The following CDYL2 variants were observed in gnomAD, a reference collection of about 807,000 sequenced individuals.
The protein encoded by CDYL2 is chromodomain Y-like protein 2.
Under a neutral mutation model 49.4 loss-of-function variants are expected in CDYL2, and 23 were observed. The ratio of observed to expected loss-of-function variants is 0.47; its 90% confidence interval spans 0.34 to 0.66. The LOEUF (loss-of-function observed/expected upper bound fraction) is 0.66. CDYL2 is among the 30% of genes least tolerant of loss of function. The probability of loss-of-function intolerance (pLI) is 0.01; values close to 1 mark genes in which losing one functional copy is unlikely to be tolerated. For synonymous variants in CDYL2, 360 were observed against 268.8 expected (o/e 1.34, Z -3.32); for missense variants, 678 against 656.4 (o/e 1.03, Z -0.36).
chr16:80,724,813 C>G (rs1597100549), intron 1 of CDYL2, among the ~76,000 whole-genome samples: 1 of 152,234 alleles, frequency 6.6e-6, no homozygotes, highest in South Asian at 2.1e-4. Context: ...CTCACCCAGA[C>G]CTTTGTGGCA....
At chr16:80,716,735 T>C (rs1423936013) in intron 1 of CDYL2, among the ~76,000 whole-genome samples, 3 of 151,904 alleles carry the variant, frequency 2.0e-5, no homozygotes, top group Non-Finnish European at 4.4e-5. Context: ...GGATAATGGA[T>C]GGATCGATGG....
chr16:80,787,286 G>A (rs901139572), intron 1 of CDYL2, among the ~76,000 whole-genome samples: 1 of 152,172 alleles, frequency 6.6e-6, no homozygotes, highest in East Asian at 1.9e-4. Context: ...CTTGGGGACA[G>A]AATTCATTGT....
At chr16:80,679,088 A>C (rs1451136710) in intron 2 of CDYL2, among the ~76,000 whole-genome samples, 18 of 126,016 alleles carry the variant, frequency 1.4e-4, no homozygotes, top group African/African-American at 3.1e-5. Flanking sequence ...CAGGAAGGGG[A>C]ACATCACACT....
At chr16:80,686,805 C>T (rs938984730) in intron 1 of CDYL2, among the ~76,000 whole-genome samples, 6 of 152,150 alleles carry the variant, frequency 3.9e-5, no homozygotes, top group Admixed American at 2.6e-4. Flanking sequence ...TATAATACTG[C>T]CTCTTCATAG....
At chr16:80,607,199 C>T (rs1225698795) in intron 6 of CDYL2, among the ~76,000 whole-genome samples, 1 of 152,140 alleles carries the variant, frequency 6.6e-6, no homozygotes, top group Non-Finnish European at 1.5e-5. Context: ...ACCCTCACCC[C>T]GCGAGCACTG....
chr16:80,685,785 T>C (rs61659811), intron 1 of CDYL2, among the ~76,000 whole-genome samples: 1,614 of 152,258 alleles, frequency 0.011, 36 homozygotes, highest in African/African-American at 0.037. Context: ...AGTTCCAGAA[T>C]GGTAAGGGCA....
rs1399807183 is a variant in CDYL2, at chr16:80,632,737, G to T, written c.834+282C>A. On this transcript the variant is annotated intron_variant, in intron 3 of 6. Coordinates refer to ENST00000570137, the MANE Select transcript of CDYL2 (RefSeq NM_152342.4). ...CCCAAGATGTGATGTTTGGATTCTG[G>T]GTCTGCCCCTTGGCTAAGTCTGTGT... is the stretch of plus-strand genomic sequence containing the variant. 1.0e-5 allele frequency: 4 copies of T among 389,902 alleles called. No homozygotes were observed. In the East Asian group the frequency reaches 1.4e-4, roughly 14 times the overall value. The allele number at this position is 389,902 out of a possible 1,614,324, so 24.2% of individuals were successfully genotyped here. A position where few individuals can be genotyped will look rare whatever the true frequency, so the allele number is the denominator to read the frequency against.
At chr16:80,787,208 A>G (rs1907466066) in intron 1 of CDYL2, among the ~76,000 whole-genome samples, 2 of 152,214 alleles carry the variant, frequency 1.3e-5, no homozygotes, top group Admixed American at 1.3e-4. Context: ...TTCTTCCACA[A>G]GAAAGAAATG....
At position 80,600,458 on chromosome 16, in the gene CDYL2, G is replaced by A. The variant is rs1906034230; in HGVS notation, c.*3930C>T. 6.6e-6 allele frequency: 1 copy of A among 152,114 alleles called. No homozygotes were observed. The highest frequency in any genetic ancestry group is 1.5e-5 in the Non-Finnish European group (1 of 67,994). The allele number at this position is 152,114 out of a possible 1,614,324, so 9.4% of individuals were successfully genotyped here. The stretch of plus-strand genomic sequence containing the variant: ...ATCTACAACAAAAATATACATGCAA[G>A]ACAACCCCAAATGGTTTCCCTTAAA... On this transcript the variant is annotated 3_prime_UTR_variant, in exon 7 of 7. Coordinates refer to ENST00000570137, the MANE Select transcript of CDYL2 (RefSeq NM_152342.4).
intron 1 of CDYL2, among the ~76,000 whole-genome samples, chr16:80,723,954 G>A (rs370231614): frequency 2.0e-5 from 3 of 148,834 alleles, no homozygotes; most frequent in African/African-American, 5.0e-5. Flanking sequence ...GGAGAAAAAG[G>A]GGGGAGAAAG....
rs557863117 is a variant in CDYL2 at position 80,786,077 on chromosome 16, C to A, written c.24+18073G>T. Among the ~76,000 whole-genome samples, 4 of 152,200 alleles carry A rather than the reference C, an allele frequency of 2.6e-5. No individual in the cohort carries two copies. The South Asian group carries it at 8.3e-4, about 32-fold the overall frequency. On this transcript the variant is annotated intron_variant, in intron 1 of 6. Coordinates refer to ENST00000570137, the MANE Select transcript of CDYL2 (RefSeq NM_152342.4). The stretch of plus-strand genomic sequence containing the variant: ...GGCAAAGACTTCATGTCTAAAACAC[C>A]AAAAGCAATGGCAATAAAAGCCAAA...
chr16:80,740,395 G>C (rs539372743), intron 1 of CDYL2, among the ~76,000 whole-genome samples: 13 of 152,174 alleles, frequency 8.5e-5, no homozygotes, highest in African/African-American at 2.6e-4. Context: ...CCATTTAAAA[G>C]GCCTAATTCA....
intron 1 of CDYL2, among the ~76,000 whole-genome samples, chr16:80,716,879 C>CTGGA (rs529478035): frequency 0.015 from 2,280 of 147,216 alleles, 28 homozygotes; most frequent in Middle Eastern, 0.038. Flanking sequence ...GGATGGATGA[C>CTGGA]TGGATGGATG....
intron 1 of CDYL2, among the ~76,000 whole-genome samples, chr16:80,779,760 T>C (rs1907202961): frequency 6.6e-6 from 1 of 152,132 alleles, no homozygotes; most frequent in Admixed American, 6.5e-5. Context: ...TGTATATATG[T>C]AGTTAATACA....
At position 80,612,271 on chromosome 16, in the gene CDYL2, C is replaced by T. The variant is rs936524877; in HGVS notation, c.1218+355G>A. Among the ~76,000 whole-genome samples, 3 of 152,176 alleles carry T rather than the reference C, an allele frequency of 2.0e-5. No individual in the cohort carries two copies. Among genetic ancestry groups the T allele is most frequent in the African/African-American group, 4.8e-5 (2 of 41,460 alleles). On this transcript the variant is annotated intron_variant, in intron 5 of 6. Coordinates refer to ENST00000570137, the MANE Select transcript of CDYL2 (RefSeq NM_152342.4). The surrounding 1 kb of genome is among the most constrained non-coding windows in gnomAD (Gnocchi z 5.0). Reference sequence around the variant, plus strand: ...GGTCCCCAGAGAGTGTGGGTGGCCCCTACACCTATGCTGGACCACTCAAGA... The same window carrying T: ...GGTCCCCAGAGAGTGTGGGTGGCCCTTACACCTATGCTGGACCACTCAAGA...
chr16:80,668,094 G>A (rs899187220), intron 2 of CDYL2, among the ~76,000 whole-genome samples: 19 of 152,254 alleles, frequency 1.2e-4, no homozygotes, highest in Non-Finnish European at 2.5e-4. Flanking sequence ...GGCAGGAGCA[G>A]GTCCCTTTGT....
chr16:80,717,271 G>T (rs1417303301), intron 1 of CDYL2, among the ~76,000 whole-genome samples: 1 of 152,212 alleles, frequency 6.6e-6, no homozygotes, highest in Non-Finnish European at 1.5e-5. Context: ...ACCTTCAGGA[G>T]CTACCCAGAG....
At chr16:80,667,343 G>A (rs1245979128) in intron 2 of CDYL2, among the ~76,000 whole-genome samples, 9 of 152,178 alleles carry the variant, frequency 5.9e-5, no homozygotes, top group Non-Finnish European at 1.2e-4. Context: ...TTTGTGATGT[G>A]TCAACAGGCA....
chr16:80,787,939 C>T (rs1286937747), intron 1 of CDYL2, among the ~76,000 whole-genome samples: 1 of 152,128 alleles, frequency 6.6e-6, no homozygotes, highest in Non-Finnish European at 1.5e-5. Flanking sequence ...GAAGTCTAGG[C>T]ATCCTGAGCA....
Sources: gnomAD v4.1 joint callset for allele counts (sites outside exome capture counted in the v4.1 genomes callset) on GRCh38, gnomAD v4.1.1 for gene constraint, Gnocchi (gnomAD v3.1) non-coding constraint, MANE v1.5 for transcripts, NCBI Gene and HGNC (gene_info 2026-07-23, HGNC 2026-07-21) for gene names.